The following CDC42SE2 variants were observed in gnomAD, a reference collection of about 807,000 sequenced individuals.
CDC42SE2 encodes the protein CDC42 small effector protein 2.
Under a neutral mutation model 11.5 loss-of-function variants are expected in CDC42SE2, and 3 were observed. The observed-to-expected ratio is 0.26, with a 90% CI of 0.12 to 0.67. CDC42SE2 has a LOEUF of 0.67. Among genes scored for constraint, CDC42SE2 ranks in the 30% least tolerant of loss-of-function variants. The probability of loss-of-function intolerance (pLI) is 0.80; values close to 1 mark genes in which losing one functional copy is unlikely to be tolerated. For missense variants in CDC42SE2, 82 were observed against 106.8 expected (o/e 0.77, Z 1.02); for synonymous variants, 33 against 34.8 (o/e 0.95, Z 0.18).
At chr5:131,227,450 C>T in the CDC42SE2 span, among the ~76,000 whole-genome samples, 7 of 151,930 alleles carry the variant, frequency 4.6e-5, no homozygotes, top group African/African-American at 7.3e-5. Context: ...CCCTGGCCAA[C>T]GTGGTGAAAC....
intron 2 of CDC42SE2, among the ~76,000 whole-genome samples, chr5:131,321,041 A>G (rs1011246002): frequency 1.3e-5 from 2 of 152,200 alleles, no homozygotes; most frequent in Admixed American, 6.5e-5. Flanking sequence ...AGGTATTCTA[A>G]TGCCTTATTA....
chr5:131,337,281 C>T (rs577735609), intron 2 of CDC42SE2, among the ~76,000 whole-genome samples: 1 of 152,126 alleles, frequency 6.6e-6, no homozygotes, highest in Non-Finnish European at 1.5e-5. Context: ...TGCAGAACAG[C>T]GGATATTATT....
At chr5:131,253,809 T>C (rs1316445685) in intron 1 of CDC42SE2, among the ~76,000 whole-genome samples, 1 of 152,184 alleles carries the variant, frequency 6.6e-6, no homozygotes, top group Admixed American at 6.5e-5. Context: ...CAAAGGATAC[T>C]TTTCTAGGAA....
intron 1 of CDC42SE2, among the ~76,000 whole-genome samples, chr5:131,292,559 C>CAAAA (rs58166806): frequency 1.7e-5 from 2 of 117,884 alleles, no homozygotes; most frequent in African/African-American, 6.8e-5. Context: ...GACTCCATCT[C>CAAAA]AAAAAAAAAA....
chr5:131,374,393 C>T (rs1462363973), intron 3 of CDC42SE2, among the ~76,000 whole-genome samples: 1 of 151,920 alleles, frequency 6.6e-6, no homozygotes, highest in Non-Finnish European at 1.5e-5. Flanking sequence ...TAGCTGGGTG[C>T]GGTTGCAGGT....
upstream of CDC42SE2, among the ~76,000 whole-genome samples, chr5:131,259,027 C>T (rs1756702404): frequency 6.6e-6 from 1 of 152,210 alleles, no homozygotes; most frequent in Non-Finnish European, 1.5e-5. Flanking sequence ...TTGGCTGCTT[C>T]AGTCACAGAA....
At chr5:131,339,071 C>A (rs971255960) in intron 2 of CDC42SE2, among the ~76,000 whole-genome samples, 5 of 151,494 alleles carry the variant, frequency 3.3e-5, no homozygotes, top group African/African-American at 1.2e-4. Context: ...CATGGTGAAA[C>A]CCCGTCTCTA....
At chr5:131,387,249 T>TA (rs1561438850) in intron 4 of CDC42SE2, among the ~76,000 whole-genome samples, 1 of 152,242 alleles carries the variant, frequency 6.6e-6, no homozygotes, top group East Asian at 1.9e-4. Context: ...CTCAGATTTT[T>TA]AAAAAATCCA....
intron 1 of CDC42SE2, among the ~76,000 whole-genome samples, chr5:131,304,732 C>T (rs1004057277): frequency 3.9e-5 from 6 of 152,048 alleles, no homozygotes; most frequent in African/African-American, 7.2e-5. Context: ...GATTAGTAAT[C>T]GTGTTTCTGA....
chr5:131,330,914 T>C (rs1057501187), intron 2 of CDC42SE2, among the ~76,000 whole-genome samples: 1 of 151,424 alleles, frequency 6.6e-6, no homozygotes, highest in African/African-American at 2.4e-5. Context: ...TAGTCATAGC[T>C]ACTCTAGAGG....
upstream of CDC42SE2, among the ~76,000 whole-genome samples, chr5:131,244,020 C>A (rs1756560128): frequency 6.6e-6 from 1 of 152,162 alleles, no homozygotes; most frequent in African/African-American, 2.4e-5. Context: ...TTTGACCATG[C>A]AAATACTAAT....
intron 3 of CDC42SE2, among the ~76,000 whole-genome samples, chr5:131,370,367 T>C (rs1046461999): frequency 3.3e-5 from 5 of 152,194 alleles, no homozygotes; most frequent in East Asian, 1.9e-4. Flanking sequence ...TATATGCCCA[T>C]TGGAAAATAT....
At chr5:131,213,451 T>C in the CDC42SE2 span, among the ~76,000 whole-genome samples, 303 of 152,234 alleles carry the variant, frequency 2.0e-3, 2 homozygotes, top group African/African-American at 6.7e-3. Context: ...TTCTTTATTA[T>C]TGTTATTATT....
chr5:131,320,778 A>G (rs530797663), intron 2 of CDC42SE2, among the ~76,000 whole-genome samples: 2 of 152,332 alleles, frequency 1.3e-5, no homozygotes, highest in South Asian at 4.1e-4. Flanking sequence ...CAATTAATAC[A>G]TTATAATTCT....
intron 1 of CDC42SE2, among the ~76,000 whole-genome samples, chr5:131,270,087 A>C (rs995292836): frequency 1.3e-5 from 2 of 150,996 alleles, no homozygotes; most frequent in African/African-American, 2.4e-5. Flanking sequence ...ACAAAAAAAA[A>C]CAACTGGCCG....
the CDC42SE2 span, among the ~76,000 whole-genome samples, chr5:131,236,268 A>T: frequency 3.9e-4 from 60 of 152,190 alleles, no homozygotes; most frequent in Middle Eastern, 3.4e-3. Flanking sequence ...TTTTTGTCAG[A>T]TTTAGAAGGG....
At chr5:131,262,808 T>C (rs971689876), upstream of CDC42SE2, among the ~76,000 whole-genome samples, 24 of 152,334 alleles carry the variant, frequency 1.6e-4, no homozygotes, top group East Asian at 5.8e-4. Flanking sequence ...GTGTTTTTTT[T>C]CCCAAATATT....
At chr5:131,334,205 G>T (rs1221815626) in intron 2 of CDC42SE2, among the ~76,000 whole-genome samples, 2 of 152,138 alleles carry the variant, frequency 1.3e-5, no homozygotes, top group African/African-American at 4.8e-5. Context: ...GGTCTTTTCT[G>T]CATCTGTTGA....
chr5:131,307,666 A>G (rs1033741785), intron 1 of CDC42SE2, among the ~76,000 whole-genome samples: 4 of 152,096 alleles, frequency 2.6e-5, no homozygotes, highest in Non-Finnish European at 5.9e-5. Context: ...TGGTTGAACT[A>G]GTTTACAGTC....
Sources: allele counts gnomAD v4.1 joint callset (sites outside exome capture counted in the v4.1 genomes callset), GRCh38; gene constraint gnomAD v4.1.1; transcripts MANE v1.5; gene names NCBI Gene and HGNC (gene_info 2026-07-23, HGNC 2026-07-21).